Variants in KIF1B observed in about 807,000 individuals in gnomAD.
KIF1B encodes kinesin family member 1B, also known as kinesin-like protein KIF1B.
KIF1B carries 76 observed loss-of-function variants against 241.9 expected under a neutral mutation model. The observed-to-expected ratio is 0.31, with a 90% CI of 0.26 to 0.38. The LOEUF is 0.38. KIF1B is among the 10% of genes least tolerant of loss of function. The probability of loss-of-function intolerance (pLI) is 1.00; values close to 1 mark genes in which losing one functional copy is unlikely to be tolerated. For synonymous variants in KIF1B, 750 were observed against 796.7 expected (o/e 0.94, Z 0.99); for missense variants, 1,622 against 2,271.4 (o/e 0.71, Z 5.81).
At chr1:10,304,149 T>G in intron 22 of KIF1B, 3 of 1,613,912 alleles carry the variant, frequency 1.9e-6, no homozygotes, top group Non-Finnish European at 2.5e-6. Flanking sequence ...TTATAGAGCT[T>G]AGGATTCCAA....
At chr1:10,308,533 G>A (rs1650936838) in intron 22 of KIF1B, 8 of 1,026,278 alleles carry the variant, frequency 7.8e-6, no homozygotes, top group Non-Finnish European at 8.2e-6. Context: ...TTCAGAAAGG[G>A]AGTGTTAGTT....
chr1:10,222,653 C>T (rs1393780272), intron 1 of KIF1B, among the ~76,000 whole-genome samples: 1 of 152,154 alleles, frequency 6.6e-6, no homozygotes, highest in African/African-American at 2.4e-5. Context: ...GGGAATTCTA[C>T]AAGATCAAAA....
At position 10,377,091 on chromosome 1, in the gene KIF1B, G is replaced by A; in HGVS notation, c.*504G>A. On this transcript the variant is annotated 3_prime_UTR_variant, in exon 49 of 49. Transcript: ENST00000676179. ...TTTCTTGGGTGGCTTAGAGACTAAG[G>A]GAGGAGACATCTGGCCTTTTTAGAA... 4.0e-6 allele frequency: 1 copy of A among 248,244 alleles called. No homozygotes were observed. The highest frequency in any genetic ancestry group is 5.7e-5 in the East Asian group (1 of 17,636). 15.4% of individuals were successfully genotyped at this position (248,244 alleles called of 1,614,324 possible).
At chr1:10,334,841 G>T (rs575635817) in intron 28 of KIF1B, among the ~76,000 whole-genome samples, 7 of 152,190 alleles carry the variant, frequency 4.6e-5, no homozygotes, top group African/African-American at 1.7e-4. Flanking sequence ...ATCCTGCTTA[G>T]TCCAGACTAC....
Position 10,361,837 on chromosome 1 carries a change from A to G in KIF1B, c.4304+12A>G, listed in dbSNP as rs769354139. 59 of 1,613,210 alleles carry G rather than the reference A, an allele frequency of 3.7e-5. No homozygotes were observed. Among genetic ancestry groups the G allele is most frequent in the Non-Finnish European group, 4.8e-5 (57 of 1,180,018 alleles). ...AAGTCACCAGATTCGTAAGTTTTTC[A>G]CACAAGTTAGCTTCCAGTGTGTTTG... On this transcript the variant is annotated intron_variant, in intron 40 of 48. Coordinates refer to ENST00000676179, the MANE Select transcript of KIF1B (RefSeq NM_001365951.3).
intron 1 of KIF1B, among the ~76,000 whole-genome samples, chr1:10,231,269 C>T (rs568290430): frequency 2.0e-5 from 3 of 151,626 alleles, no homozygotes; most frequent in Non-Finnish European, 4.4e-5. Context: ...TATAGTTAAA[C>T]GAATTGACTA....
At chr1:10,334,809 T>C (rs1652103770) in intron 28 of KIF1B, among the ~76,000 whole-genome samples, 171 bp downstream of exon 28, 1 of 152,246 alleles carries the variant, frequency 6.6e-6, no homozygotes, top group Non-Finnish European at 1.5e-5. Flanking sequence ...TTCTAGCAAT[T>C]GTTCCCAAGT....
At chr1:10,211,839 C>G (rs1347066207) in intron 1 of KIF1B, 1 of 152,086 alleles carries the variant, frequency 6.6e-6, no homozygotes, top group African/African-American at 2.4e-5. Flanking sequence ...CCTGCTGATG[C>G]TTTACATGTG....
chr1:10,298,370 A>G (rs534564159), intron 22 of KIF1B, among the ~76,000 whole-genome samples: 2 of 152,326 alleles, frequency 1.3e-5, no homozygotes, highest in South Asian at 2.1e-4. Flanking sequence ...AGCACAAGCA[A>G]CCTTTTCCAG....
In KIF1B at chr1:10,326,328, G is replaced by T; in HGVS notation, c.2893G>T (p.Asp965Tyr). The T allele has an allele frequency of 6.2e-7, 1 of 1,614,164 alleles. No homozygotes were observed. Among genetic ancestry groups the T allele is most frequent in the South Asian group, 1.1e-5 (1 of 91,060 alleles). The change falls in exon 27 of 49, where the codon GAC becomes TAC. Residue 965 changes from aspartate (D) to tyrosine (Y), a missense_variant. By Grantham distance (160) the Asp-to-Tyr change is radical. This residue lies in a region of KIF1B where 803 missense variants were observed against 1,112.0 expected (regional missense o/e 0.72). Transcript: ENST00000676179. This position sits in a 1 kb window ranked among gnomAD's most constrained non-coding sequence, Gnocchi z 5.2. ...LFSDGHDPFY[D>Y]RSPWFILVGR... ...CAGTGACGGGCATGACCCGTTTTACGACCGATCCCCTTGGTTCATTTTAGT... is the reference window on the plus strand; with the variant it reads ...CAGTGACGGGCATGACCCGTTTTACTACCGATCCCCTTGGTTCATTTTAGT...
chr1:10,283,084 G>A (rs1229351813), intron 15 of KIF1B, among the ~76,000 whole-genome samples: 1 of 151,762 alleles, frequency 6.6e-6, no homozygotes, highest in Non-Finnish European at 1.5e-5. Context: ...GCGGGCACCT[G>A]TAGTCCCAGC....
At chr1:10,215,172 A>ATTTTT (rs1166683802) in intron 1 of KIF1B, among the ~76,000 whole-genome samples, 4 of 45,358 alleles carry the variant, frequency 8.8e-5, no homozygotes, top group African/African-American at 1.0e-4. Context: ...ATATATATAT[A>ATTTTT]TTTTTTTTTT....
intron 22 of KIF1B, among the ~76,000 whole-genome samples, chr1:10,314,929 T>C (rs1367469952): frequency 6.6e-6 from 1 of 151,428 alleles, no homozygotes; most frequent in Non-Finnish European, 1.5e-5. Flanking sequence ...TTTTTCTACC[T>C]GATGATTTTT....
intron 32 of KIF1B, among the ~76,000 whole-genome samples, chr1:10,340,420 T>C (rs1238489440): frequency 6.6e-6 from 1 of 152,252 alleles, no homozygotes; most frequent in African/African-American, 2.4e-5. Flanking sequence ...TCACAATAGC[T>C]AATATTCACT....
chr1:10,262,002 C>T (rs370067755), intron 5 of KIF1B, 32 bp downstream of exon 5: 50 of 1,428,288 alleles, frequency 3.5e-5, no homozygotes, highest in Non-Finnish European at 4.8e-5. Context: ...CACCGTAAGC[C>T]CTTGTTTTCC....
chr1:10,311,100 C>G (rs906825260), intron 22 of KIF1B, among the ~76,000 whole-genome samples: 1 of 151,412 alleles, frequency 6.6e-6, no homozygotes, highest in Non-Finnish European at 1.5e-5. Context: ...ACATTTACCC[C>G]CTTCTCTTTT....
chr1:10,332,387 C>G (rs974264596), intron 27 of KIF1B, among the ~76,000 whole-genome samples: 2 of 151,568 alleles, frequency 1.3e-5, no homozygotes, highest in African/African-American at 4.8e-5. Context: ...TCTTGATGCC[C>G]ATTCAGAGTC....
intron 2 of KIF1B, among the ~76,000 whole-genome samples, chr1:10,247,533 T>C (rs567814597): frequency 2.6e-5 from 4 of 152,356 alleles, no homozygotes; most frequent in East Asian, 1.9e-4. Context: ...CTATAGGTCA[T>C]GGTAGACATG....
chr1:10,226,804 TA>T (rs1465411639), intron 1 of KIF1B, among the ~76,000 whole-genome samples: 1 of 151,612 alleles, frequency 6.6e-6, no homozygotes, highest in African/African-American at 2.4e-5. Context: ...CCGTCCCTAC[TA>T]AAAATACAAA....
Sources: gnomAD v4.1 joint callset for allele counts (sites outside exome capture counted in the v4.1 genomes callset) on GRCh38, gnomAD v4.1.1 for gene constraint, gnomAD v4.1.1 regional missense constraint, Gnocchi (gnomAD v3.1) non-coding constraint, MANE v1.5 for transcripts, NCBI Gene and HGNC (gene_info 2026-07-23, HGNC 2026-07-21) for gene names.